ANO10: variants seen among roughly 807,000 people sequenced by gnomAD.
ANO10 encodes the protein anoctamin-10.
Under a neutral mutation model 74.7 loss-of-function variants are expected in ANO10, and 77 were observed. The ratio of observed to expected loss-of-function variants is 1.03; its 90% CI spans 0.86 to 1.25. The LOEUF (loss-of-function observed/expected upper bound fraction) is 1.25. Among genes scored for constraint, ANO10 ranks in the 50% most tolerant of loss-of-function variants. The pLI is 0.00. For missense variants in ANO10, 721 were observed against 778.1 expected (o/e 0.93, Z 0.87); for synonymous variants, 279 against 284.9 (o/e 0.98, Z 0.21).
At chr3:43,590,449 A>G (rs2081680198) in intron 4 of ANO10, among the ~76,000 whole-genome samples, 1 of 152,210 alleles carries the variant, frequency 6.6e-6, no homozygotes, top group African/African-American at 2.4e-5. Context: ...AAATAAAAGA[A>G]AATCTCAGAA....
At chr3:43,614,866 A>C (rs1376067425) in intron 1 of ANO10, among the ~76,000 whole-genome samples, 2 of 147,190 alleles carry the variant, frequency 1.4e-5, no homozygotes, top group Non-Finnish European at 3.0e-5. Flanking sequence ...TATGCATGTA[A>C]AAGTTCATTA....
chr3:43,504,296 GTAGGTAGATAGA>G (rs1490351731), intron 11 of ANO10, among the ~76,000 whole-genome samples: 3 of 98,882 alleles, frequency 3.0e-5, no homozygotes, highest in African/African-American at 3.2e-5. Context: ...AGGTAGGTAG[GTAGGTAGATAGA>G]TAGATAGATA....
chr3:43,464,678 A>T (rs1418235171), intron 11 of ANO10, among the ~76,000 whole-genome samples: 1 of 148,544 alleles, frequency 6.7e-6, no homozygotes, highest in East Asian at 1.9e-4. Context: ...GACCCCATAT[A>T]AAAAAAAATG....
intron 1 of ANO10, chr3:43,690,904 C>T: frequency 1.4e-6 from 2 of 1,408,350 alleles, no homozygotes; most frequent in African/African-American, 1.5e-5. Context: ...GCGGCCTGCG[C>T]CGCCTTAAGT....
At chr3:43,398,149 TATA>T (rs2092415983) in intron 12 of ANO10, among the ~76,000 whole-genome samples, 3 of 152,218 alleles carry the variant, frequency 2.0e-5, no homozygotes, top group Non-Finnish European at 2.9e-5. Flanking sequence ...TTGTCTCCCA[TATA>T]ATAAGGTATG....
In ANO10 at chr3:43,446,449, A is replaced by G. The variant is rs74638622; in HGVS notation, c.1798-13722T>C. ...TACAATTGAACAGAGAGTTTGTAAC[A>G]AAAAAGAGTTACAACTTTTTATAAC... On this transcript the variant is annotated intron_variant, in intron 11 of 12. Coordinates refer to ENST00000292246, the MANE Select transcript of ANO10 (RefSeq NM_018075.5). Among the ~76,000 whole-genome samples the G allele has an allele frequency of 2.1e-3, 325 of 152,342 alleles. 2 individuals are homozygous for G. Among genetic ancestry groups the G allele is most frequent in the African/African-American group, 7.5e-3 (311 of 41,596 alleles).
At chr3:43,389,643 C>T (rs1249001307) in intron 12 of ANO10, among the ~76,000 whole-genome samples, 2 of 152,074 alleles carry the variant, frequency 1.3e-5, no homozygotes. Flanking sequence ...AAGTATGTAG[C>T]AAAGCACATG....
intron 12 of ANO10, chr3:43,372,966 C>T (rs1357766363): frequency 1.0e-6 from 1 of 1,000,844 alleles, no homozygotes; most frequent in African/African-American, 1.6e-5. Context: ...TCTCATGTAA[C>T]ACATATTCAA....
chr3:43,398,202 T>G (rs997588355), intron 12 of ANO10, among the ~76,000 whole-genome samples: 1 of 152,270 alleles, frequency 6.6e-6, no homozygotes, highest in Non-Finnish European at 1.5e-5. Context: ...AATATTGATA[T>G]GGCAACTTAA....
chr3:43,368,251 G>A (rs1417213714), intron 12 of ANO10, among the ~76,000 whole-genome samples: 1 of 152,154 alleles, frequency 6.6e-6, no homozygotes, highest in Non-Finnish European at 1.5e-5. Flanking sequence ...ATGAGAAAGG[G>A]GGCTACGGAG....
chr3:43,535,198 A>G (rs1280214521), intron 11 of ANO10, among the ~76,000 whole-genome samples: 3 of 151,526 alleles, frequency 2.0e-5, no homozygotes, highest in Admixed American at 6.6e-5. Flanking sequence ...GGTCTCAAAC[A>G]AGTAATCTGC....
chr3:43,587,535 C>T (rs930221202), intron 4 of ANO10, among the ~76,000 whole-genome samples: 3 of 152,176 alleles, frequency 2.0e-5, no homozygotes, highest in Non-Finnish European at 2.9e-5. Flanking sequence ...GCTCTGACAG[C>T]AGCAAGGGCT....
At chr3:43,607,350 A>G (rs2082611783) in intron 1 of ANO10, among the ~76,000 whole-genome samples, 1 of 151,872 alleles carries the variant, frequency 6.6e-6, no homozygotes, top group African/African-American at 2.4e-5. Flanking sequence ...AAAAAAACAA[A>G]ACAAACAAAC....
intron 4 of ANO10, among the ~76,000 whole-genome samples, chr3:43,594,335 T>C (rs2081968033): frequency 6.6e-6 from 1 of 152,172 alleles, no homozygotes; most frequent in Admixed American, 6.5e-5. Context: ...ATCACACTTA[T>C]TCCAAAATTG....
chr3:43,623,052 GACAGGGTTTC>G (rs1459950843), upstream of ANO10, among the ~76,000 whole-genome samples: 2 of 152,276 alleles, frequency 1.3e-5, no homozygotes, highest in Admixed American at 1.3e-4. Context: ...TTTTTGTAGA[GACAGGGTTTC>G]ACTATGTTGG....
chr3:43,561,768 C>A (rs115366052), intron 8 of ANO10, among the ~76,000 whole-genome samples: 1 of 151,970 alleles, frequency 6.6e-6, no homozygotes, highest in Non-Finnish European at 1.5e-5. Flanking sequence ...GATCTGACTG[C>A]GATACATTTT....
intron 11 of ANO10, among the ~76,000 whole-genome samples, chr3:43,539,413 G>A (rs11714015): frequency 0.22 from 33,749 of 152,090 alleles, 4,290 homozygotes; most frequent in Middle Eastern, 0.36. Context: ...GTCAGAGAAA[G>A]AGGGTCAGTT....
chr3:43,454,358 G>A (rs2075031025), intron 11 of ANO10, among the ~76,000 whole-genome samples: 1 of 152,178 alleles, frequency 6.6e-6, no homozygotes, highest in East Asian at 1.9e-4. Flanking sequence ...ACCTGCTGGA[G>A]GTTTCTGGAT....
At chr3:43,443,177 A>T (rs1482650) in intron 11 of ANO10, among the ~76,000 whole-genome samples, 28,142 of 152,174 alleles carry the variant, frequency 0.18, 3,123 homozygotes, top group Middle Eastern at 0.35. Context: ...GGGAACCACT[A>T]ATATCACAAA....
Sources: allele counts gnomAD v4.1 joint callset (sites outside exome capture counted in the v4.1 genomes callset), GRCh38; gene constraint gnomAD v4.1.1; transcripts MANE v1.5; gene names NCBI Gene and HGNC (gene_info 2026-07-23, HGNC 2026-07-21).